The following MICAL3 variants were observed in gnomAD, a reference collection of about 807,000 sequenced individuals.
The protein encoded by MICAL3 is [F-actin]-monooxygenase MICAL3.
MICAL3 carries 62 observed loss-of-function variants against 207.4 expected under a neutral mutation model. The observed-to-expected ratio is 0.30, with a 90% CI of 0.24 to 0.37. The LOEUF is 0.37. Ranked by LOEUF, MICAL3 falls within the 10% of genes least tolerant of loss-of-function variation. The probability of loss-of-function intolerance (pLI) is 1.00; values close to 1 mark genes in which losing one functional copy is unlikely to be tolerated. For synonymous variants in MICAL3, 1,077 were observed against 1,069.3 expected (o/e 1.01, Z -0.14); for missense variants, 2,368 against 2,635.6 (o/e 0.90, Z 2.22).
intron 1 of MICAL3, among the ~76,000 whole-genome samples, chr22:17,926,997 T>C (rs557947951): frequency 1.2e-4 from 19 of 152,348 alleles, no homozygotes; most frequent in African/African-American, 4.6e-4. Flanking sequence ...TTAAATCCAT[T>C]CACAATGTTG....
intron 19 of MICAL3, chr22:17,862,978 A>G (rs927018171): frequency 1.0e-6 from 1 of 984,982 alleles, no homozygotes; most frequent in African/African-American, 1.8e-5. Flanking sequence ...ACGCGGACAG[A>G]GACGTCCTCA....
intron 19 of MICAL3, among the ~76,000 whole-genome samples, chr22:17,857,144 A>G (rs893813547): frequency 1.3e-5 from 2 of 152,188 alleles, no homozygotes; most frequent in East Asian, 3.8e-4. Context: ...CTCTGGCAGG[A>G]GTCCCCACCC....
chr22:18,002,147 G>A (rs1923074522), intron 1 of MICAL3, among the ~76,000 whole-genome samples: 1 of 151,752 alleles, frequency 6.6e-6, no homozygotes, highest in Non-Finnish European at 1.5e-5. Context: ...GCAGTGAGCC[G>A]AGATGGTGCC....
At chr22:17,976,160 T>C (rs1431924352) in intron 1 of MICAL3, among the ~76,000 whole-genome samples, 9 of 152,206 alleles carry the variant, frequency 5.9e-5, no homozygotes, top group African/African-American at 1.9e-4. Flanking sequence ...CTGAACAATA[T>C]AGGCAGAGAT....
chr22:17,946,393 C>T (rs1373037216), intron 1 of MICAL3, among the ~76,000 whole-genome samples: 1 of 152,236 alleles, frequency 6.6e-6, no homozygotes, highest in Non-Finnish European at 1.5e-5. Flanking sequence ...AAACAACGAC[C>T]CACATGTGTA....
intron 1 of MICAL3, among the ~76,000 whole-genome samples, chr22:17,937,646 A>G (rs1344754215): frequency 1.3e-5 from 2 of 152,264 alleles, no homozygotes; most frequent in Non-Finnish European, 2.9e-5. Flanking sequence ...CTGGGAAAGA[A>G]GAGTGAAACT....
At chr22:17,797,397 G>A (rs1014778735) in intron 29 of MICAL3, among the ~76,000 whole-genome samples, 4 of 152,170 alleles carry the variant, frequency 2.6e-5, no homozygotes, top group Admixed American at 6.5e-5. Flanking sequence ...AGGAGGCTAC[G>A]GTGGGAGGGC....
At chr22:17,851,767 C>T (rs928799088) in intron 19 of MICAL3, among the ~76,000 whole-genome samples, 4 of 152,196 alleles carry the variant, frequency 2.6e-5, no homozygotes, top group Admixed American at 6.5e-5. Flanking sequence ...CTGACGAAGA[C>T]GCCAATGGCA....
At chr22:17,794,362 C>T (rs781684624) in intron 29 of MICAL3, among the ~76,000 whole-genome samples, 10 of 152,360 alleles carry the variant, frequency 6.6e-5, no homozygotes, top group Admixed American at 4.6e-4. Flanking sequence ...CCCAGACCCA[C>T]GTGGAATCCT....
intron 19 of MICAL3, among the ~76,000 whole-genome samples, chr22:17,848,181 T>G (rs1924843219): frequency 6.6e-6 from 1 of 152,206 alleles, no homozygotes; most frequent in Non-Finnish European, 1.5e-5. Flanking sequence ...GTGACGTTCG[T>G]GCTGCCTGAT....
At chr22:17,949,934 G>A (rs1934251002) in intron 1 of MICAL3, among the ~76,000 whole-genome samples, 1 of 152,234 alleles carries the variant, frequency 6.6e-6, no homozygotes. Flanking sequence ...AAGCTCCTGG[G>A]CCAAGCCCAT....
At chr22:17,884,010 C>T (rs1929649753) in intron 16 of MICAL3, among the ~76,000 whole-genome samples, 1 of 152,202 alleles carries the variant, frequency 6.6e-6, no homozygotes, top group African/African-American at 2.4e-5. Flanking sequence ...GGGTGAGCCA[C>T]CTACCACACA....
At chr22:17,822,617 G>C (rs1921771940) in intron 23 of MICAL3, among the ~76,000 whole-genome samples, 2 of 152,120 alleles carry the variant, frequency 1.3e-5, no homozygotes, top group Admixed American at 1.3e-4. Flanking sequence ...CCTCGTCCCT[G>C]ACCCCCTCAG....
chr22:17,826,270 G>T (rs533448016), intron 22 of MICAL3, among the ~76,000 whole-genome samples: 1 of 136,158 alleles, frequency 7.3e-6, no homozygotes, highest in East Asian at 2.0e-4. Flanking sequence ...TGCCCTGAAG[G>T]GGGGGTGTGC....
At chr22:18,003,203 T>C (rs1200007998) in intron 1 of MICAL3, among the ~76,000 whole-genome samples, 1 of 152,026 alleles carries the variant, frequency 6.6e-6, no homozygotes, top group Non-Finnish European at 1.5e-5. Flanking sequence ...CGATAGACTT[T>C]CTGACACCTA....
chr22:18,008,070 A>G (rs1035216784), intron 1 of MICAL3, among the ~76,000 whole-genome samples: 2 of 151,604 alleles, frequency 1.3e-5, no homozygotes, highest in African/African-American at 4.9e-5. Context: ...GTGAAATACT[A>G]AAATACTAAA....
chr22:17,873,869 C>A (rs1212944048), intron 16 of MICAL3, among the ~76,000 whole-genome samples: 1 of 152,252 alleles, frequency 6.6e-6, no homozygotes, highest in African/African-American at 2.4e-5. Context: ...GGCCACACCA[C>A]CATGTGGGTG....
chr22:17,919,260 A>G (rs1932733751), intron 1 of MICAL3, among the ~76,000 whole-genome samples: 2 of 152,072 alleles, frequency 1.3e-5, no homozygotes, highest in Admixed American at 1.3e-4. Flanking sequence ...GATAGGGCCT[A>G]TGTTGCCCAG....
At chr22:17,815,675 G>A (rs1291202194) in intron 27 of MICAL3, 1 of 152,436 alleles carries the variant, frequency 6.6e-6, no homozygotes, top group East Asian at 1.9e-4. Context: ...GGAGAGGCCT[G>A]GCTCTCTAGA....
Sources: allele counts gnomAD v4.1 joint callset (sites outside exome capture counted in the v4.1 genomes callset), GRCh38; gene constraint gnomAD v4.1.1; transcripts MANE v1.5; gene names NCBI Gene and HGNC (gene_info 2026-07-23, HGNC 2026-07-21).